THSD7A: variants seen among roughly 807,000 people sequenced by gnomAD.
THSD7A encodes the protein thrombospondin type 1 domain containing 7A, also known as thrombospondin type-1 domain-containing protein 7A.
THSD7A carries 96 observed loss-of-function variants against 231.3 expected under a neutral mutation model. The observed-to-expected ratio is 0.41, with a 90% CI of 0.35 to 0.49. THSD7A has a LOEUF of 0.49. Ranked by LOEUF, THSD7A falls within the 20% of genes least tolerant of loss-of-function variation. THSD7A has a pLI of 0.05. For missense variants in THSD7A, 2,290 were observed against 2,070.2 expected (o/e 1.11, Z -2.06); for synonymous variants, 940 against 743.3 (o/e 1.26, Z -4.30).
rs562056452 is a variant in THSD7A at position 11,711,922 on chromosome 7, G to A, written c.191-74961C>T. Among the ~76,000 whole-genome samples, 13 of 150,964 alleles carry A rather than the reference G, an allele frequency of 8.6e-5. 1 individual carries two copies. In the South Asian group the frequency reaches 2.7e-3, roughly 31 times the overall value. On this transcript the variant is annotated intron_variant, in intron 1 of 27. Transcript: ENST00000423059. ...TATTTAATTCAGATTTCTCCTATTT[G>A]GATTTCTCCATTTTGTCACCAGAAA...
intron 4 of THSD7A, among the ~76,000 whole-genome samples, chr7:11,550,423 TG>T (rs1789578575): frequency 6.6e-6 from 1 of 152,110 alleles, no homozygotes; most frequent in Non-Finnish European, 1.5e-5. Context: ...CATCTCAAAT[TG>T]TAATCCCACA....
intron 1 of THSD7A, among the ~76,000 whole-genome samples, chr7:11,668,467 GAAAAA>G (rs1195751882): frequency 6.6e-5 from 2 of 30,328 alleles, no homozygotes; most frequent in East Asian, 6.4e-4. Flanking sequence ...GAGAAAGAAA[GAAAAA>G]AAGAAAGACA....
intron 1 of THSD7A, among the ~76,000 whole-genome samples, chr7:11,701,234 T>C (rs73294582): frequency 0.016 from 2,479 of 151,260 alleles, 70 homozygotes; most frequent in African/African-American, 0.057. Flanking sequence ...GATCAGACTA[T>C]GCAGCATATA....
At chr7:11,448,589 G>A (rs1045344914) in intron 11 of THSD7A, among the ~76,000 whole-genome samples, 1 of 152,110 alleles carries the variant, frequency 6.6e-6, no homozygotes, top group Non-Finnish European at 1.5e-5. Flanking sequence ...ATTACAGTGA[G>A]GGCATAGAGG....
At chr7:11,785,839 T>G (rs1435315932) in intron 1 of THSD7A, among the ~76,000 whole-genome samples, 1 of 152,212 alleles carries the variant, frequency 6.6e-6, no homozygotes, top group South Asian at 2.1e-4. Context: ...ACTTAAAGAA[T>G]AAAATAATAG....
intron 4 of THSD7A, among the ~76,000 whole-genome samples, chr7:11,587,696 A>T (rs965729921): frequency 3.9e-5 from 6 of 152,180 alleles, no homozygotes; most frequent in Non-Finnish European, 8.8e-5. Flanking sequence ...TCTGTCCCTT[A>T]TGGTGTGTGT....
intron 11 of THSD7A, among the ~76,000 whole-genome samples, chr7:11,449,567 T>C (rs1018683718): frequency 6.6e-6 from 1 of 151,982 alleles, no homozygotes; most frequent in Non-Finnish European, 1.5e-5. Flanking sequence ...CTGAAAGAGC[T>C]CTAAGCTTGG....
chr7:11,811,075 A>T (rs1784516436), intron 1 of THSD7A, among the ~76,000 whole-genome samples: 1 of 152,198 alleles, frequency 6.6e-6, no homozygotes, highest in African/African-American at 2.4e-5. Flanking sequence ...AGATTAAATT[A>T]TGTGGCATAT....
chr7:11,658,368 A>G (rs944501170), intron 1 of THSD7A, among the ~76,000 whole-genome samples: 2 of 151,702 alleles, frequency 1.3e-5, no homozygotes, highest in African/African-American at 4.8e-5. Context: ...TGTGTTTGTC[A>G]CTTGCTAATA....
At chr7:11,538,039 G>A (rs1788986809) in intron 6 of THSD7A, among the ~76,000 whole-genome samples, 1 of 152,112 alleles carries the variant, frequency 6.6e-6, no homozygotes, top group Non-Finnish European at 1.5e-5. Flanking sequence ...TTAATAGCTG[G>A]GTAATGCTGA....
intron 1 of THSD7A, among the ~76,000 whole-genome samples, chr7:11,643,004 A>G (rs1006170665): frequency 6.6e-6 from 1 of 152,130 alleles, no homozygotes; most frequent in Non-Finnish European, 1.5e-5. Flanking sequence ...AAAAGGCCAC[A>G]TTATTGACAG....
In THSD7A at chr7:11,659,075, C is replaced by A. The variant is rs1782820130; in HGVS notation, c.191-22114G>T. Among the ~76,000 whole-genome samples the A allele has an allele frequency of 3.3e-5, 5 of 151,636 alleles. No individual in the cohort carries two copies. The South Asian group carries it at 1.0e-3, about 31-fold the overall frequency. On this transcript the variant is annotated intron_variant, in intron 1 of 27. Transcript: ENST00000423059. Reference sequence around the variant, plus strand: ...TAAACACACACACAGACACTCCTATCTTTAATTAATCTCCAACTCTTCCAG... The same window carrying A: ...TAAACACACACACAGACACTCCTATATTTAATTAATCTCCAACTCTTCCAG...
intron 23 of THSD7A, among the ~76,000 whole-genome samples, chr7:11,400,062 C>CA: frequency 6.6e-6 from 1 of 150,612 alleles, no homozygotes; most frequent in African/African-American, 2.4e-5. Context: ...ATGGCAAGGA[C>CA]GAAAAACCAA....
intron 19 of THSD7A, among the ~76,000 whole-genome samples, chr7:11,409,952 G>C (rs1783724529): frequency 6.6e-6 from 1 of 152,016 alleles, no homozygotes; most frequent in Non-Finnish European, 1.5e-5. Context: ...ATGTTGGTCA[G>C]GCTGGTCCTG....
chr7:11,773,606 G>C (rs1446715108), intron 1 of THSD7A, among the ~76,000 whole-genome samples: 2 of 151,948 alleles, frequency 1.3e-5, no homozygotes, highest in African/African-American at 2.4e-5. Context: ...ATGACCCAAA[G>C]GGAAAACATC....
intron 2 of THSD7A, among the ~76,000 whole-genome samples, chr7:11,616,108 G>C (rs905858696): frequency 1.3e-5 from 2 of 151,824 alleles, no homozygotes; most frequent in Non-Finnish European, 2.9e-5. Context: ...TATTTCCTTT[G>C]TTATATACTA....
At chr7:11,711,202 G>A (rs1780950778) in intron 1 of THSD7A, among the ~76,000 whole-genome samples, 1 of 150,874 alleles carries the variant, frequency 6.6e-6, no homozygotes, top group African/African-American at 2.4e-5. Context: ...GCAAGGAACT[G>A]ATACTTTTGT....
intron 2 of THSD7A, among the ~76,000 whole-genome samples, chr7:11,616,382 A>C (rs1246317942): frequency 2.0e-5 from 3 of 152,144 alleles, no homozygotes; most frequent in African/African-American, 7.2e-5. Context: ...AACAAAATCA[A>C]GTTAAGAGGA....
Position 11,444,883 on chromosome 7 carries a change from T to A in THSD7A, c.3064+1178A>T, listed in dbSNP as rs1784916611. ...AAAACTATCATTATATATAACTATT[T>A]TATATATATATAAAATGCTGTATAT... On this transcript the variant is annotated intron_variant, in intron 13 of 27. Transcript: ENST00000423059. The surrounding 1 kb of genome is among the most constrained non-coding windows in gnomAD (Gnocchi z 4.2). Among the ~76,000 whole-genome samples, 1 of 147,414 alleles carries A rather than the reference T, an allele frequency of 6.8e-6. No homozygotes were observed. Among genetic ancestry groups the A allele is most frequent in the African/African-American group, 2.5e-5 (1 of 40,626 alleles).
Sources: gnomAD v4.1 joint callset for allele counts (sites outside exome capture counted in the v4.1 genomes callset) on GRCh38, gnomAD v4.1.1 for gene constraint, Gnocchi (gnomAD v3.1) non-coding constraint, MANE v1.5 for transcripts, NCBI Gene and HGNC (gene_info 2026-07-23, HGNC 2026-07-21) for gene names.